The following MCC variants were observed in gnomAD, a reference collection of about 807,000 sequenced individuals.
MCC encodes MCC regulator of Wnt signaling pathway.
Under a neutral mutation model 116.2 loss-of-function variants are expected in MCC, and 90 were observed. That is an observed-to-expected ratio of 0.77 (90% confidence interval 0.65 to 0.92). The LOEUF (loss-of-function observed/expected upper bound fraction) is 0.92, where lower values mean the gene tolerates loss of function less well. Ranked by LOEUF, MCC falls within the 40% of genes least tolerant of loss-of-function variation. MCC has a pLI of 0.00. For missense variants in MCC, 1,516 were observed against 1,312.2 expected (o/e 1.16, Z -2.40); for synonymous variants, 578 against 510.5 (o/e 1.13, Z -1.78).
At chr5:113,129,329 A>C (rs1758289408) in intron 5 of MCC, among the ~76,000 whole-genome samples, 1 of 152,224 alleles carries the variant, frequency 6.6e-6, no homozygotes, top group Non-Finnish European at 1.5e-5. Flanking sequence ...AATGCCATAG[A>C]AAGAGACCAA....
chr5:113,463,237 G>A (rs918335733), intron 1 of MCC, among the ~76,000 whole-genome samples: 1 of 152,122 alleles, frequency 6.6e-6, no homozygotes, highest in Non-Finnish European at 1.5e-5. Context: ...GCCCTGCATG[G>A]TTAAGAATTA....
chr5:113,454,275 T>A (rs1189274699), intron 1 of MCC, among the ~76,000 whole-genome samples: 2 of 152,154 alleles, frequency 1.3e-5, no homozygotes, highest in African/African-American at 4.8e-5. Context: ...TGGCTAATTT[T>A]TATATTTTTT....
chr5:113,105,516 G>C (rs772220530), intron 6 of MCC, among the ~76,000 whole-genome samples: 1 of 152,072 alleles, frequency 6.6e-6, no homozygotes, highest in Non-Finnish European at 1.5e-5. Flanking sequence ...TCTCAAACCT[G>C]TTCCTCCCCG....
At chr5:113,104,786 GA>G (rs1450919842) in intron 6 of MCC, among the ~76,000 whole-genome samples, 1 of 152,202 alleles carries the variant, frequency 6.6e-6, no homozygotes, top group Non-Finnish European at 1.5e-5. Context: ...TTGAAAAACA[GA>G]AACTGTGTAA....
At chr5:113,065,009 A>G (rs997362777) in intron 13 of MCC, among the ~76,000 whole-genome samples, 15 of 152,180 alleles carry the variant, frequency 9.9e-5, no homozygotes, top group Non-Finnish European at 2.9e-5. Context: ...AACAAGAACA[A>G]CAGCAACAGC....
At position 113,079,212 on chromosome 5, in the gene MCC, G is replaced by A. The variant is rs542125173; in HGVS notation, c.1784+3648C>T. Among the ~76,000 whole-genome samples, 60 of 152,298 alleles carry A rather than the reference G, an allele frequency of 3.9e-4. 3 individuals are homozygous for A. The highest frequency in any genetic ancestry group is 1.3e-3 in the African/African-American group (55 of 41,546). On this transcript the variant is annotated intron_variant, in intron 11 of 18. Transcript: ENST00000408903. ...CTCATGGATAGGAAGAATCAATATT[G>A]TGAAAATGGCCATACTGCCCAAGGC...
intron 3 of MCC, among the ~76,000 whole-genome samples, chr5:113,180,071 A>G (rs1304051989): frequency 2.6e-5 from 4 of 152,208 alleles, no homozygotes; most frequent in African/African-American, 9.6e-5. Context: ...GAATGAATAC[A>G]GTGGCCCGAC....
chr5:113,413,664 T>C (rs1770057962), intron 1 of MCC, among the ~76,000 whole-genome samples: 1 of 152,180 alleles, frequency 6.6e-6, no homozygotes, highest in Non-Finnish European at 1.5e-5. Context: ...TTCTCTCTTT[T>C]CTTCTTTATT....
chr5:113,370,877 T>C lies in MCC; in HGVS notation c.415+14091A>G, dbSNP rs550926301. Among the ~76,000 whole-genome samples, 15 of 152,270 alleles carry C rather than the reference T, an allele frequency of 9.9e-5. No individual in the cohort carries two copies. In the East Asian group the frequency reaches 2.7e-3, roughly 27 times the overall value. ...CCTAAATTCTAAGATTTTATTAATA[T>C]AGCACAAGAAAACGGGAGAAATAAT... On this transcript the variant is annotated intron_variant, in intron 2 of 18. Coordinates refer to ENST00000408903, the MANE Select transcript of MCC (RefSeq NM_001085377.2).
At chr5:113,108,524 G>A (rs1339711200) in intron 6 of MCC, among the ~76,000 whole-genome samples, 2 of 151,276 alleles carry the variant, frequency 1.3e-5, no homozygotes, top group South Asian at 2.1e-4. Context: ...ATAGTGGTGC[G>A]GGCCTGTAAT....
chr5:113,384,828 C>G (rs75462722), intron 2 of MCC, 140 bp downstream of exon 2: 11,415 of 888,030 alleles, frequency 0.013, 145 homozygotes, highest in South Asian at 0.016. Flanking sequence ...GAGCACTCCC[C>G]CAGGGAAAGT....
chr5:113,461,384 G>A (rs778727232), intron 1 of MCC, among the ~76,000 whole-genome samples: 3 of 152,174 alleles, frequency 2.0e-5, no homozygotes, highest in African/African-American at 2.4e-5. Context: ...AGGAAACCAA[G>A]GCATGAAAGT....
At chr5:113,294,180 A>C (rs546984839) in intron 3 of MCC, 1 of 983,896 alleles carries the variant, frequency 1.0e-6, no homozygotes, top group Admixed American at 2.3e-5. Context: ...AACAAGATCC[A>C]GAAAATCTAC....
At chr5:113,342,965 C>A (rs914752033) in intron 2 of MCC, among the ~76,000 whole-genome samples, 5 of 152,276 alleles carry the variant, frequency 3.3e-5, no homozygotes, top group African/African-American at 7.2e-5. Flanking sequence ...CTGCAAAGAT[C>A]TCATTCTGGT....
intron 3 of MCC, among the ~76,000 whole-genome samples, chr5:113,296,275 T>C (rs1766707679): frequency 6.6e-6 from 1 of 152,162 alleles, no homozygotes; most frequent in Non-Finnish European, 1.5e-5. Context: ...ATGAAGAAGA[T>C]TCAAGCACTG....
intron 3 of MCC, among the ~76,000 whole-genome samples, chr5:113,242,886 C>T (rs951295455): frequency 6.6e-6 from 1 of 152,190 alleles, no homozygotes. Context: ...TCAGGCAAGA[C>T]CCGGACAAGC....
chr5:113,365,202 A>C (rs959535125), intron 2 of MCC, among the ~76,000 whole-genome samples: 2 of 152,078 alleles, frequency 1.3e-5, no homozygotes, highest in African/African-American at 2.4e-5. Flanking sequence ...CACACATATG[A>C]GCATAGGCTG....
intron 17 of MCC, among the ~76,000 whole-genome samples, chr5:113,033,942 G>C (rs1751141778): frequency 1.3e-5 from 2 of 152,192 alleles, no homozygotes; most frequent in Non-Finnish European, 1.5e-5. Context: ...CTGGAGTACA[G>C]TGGCACAAAT....
chr5:113,194,516 T>C (rs1030994968), intron 3 of MCC, among the ~76,000 whole-genome samples: 2 of 151,962 alleles, frequency 1.3e-5, no homozygotes, highest in Non-Finnish European at 2.9e-5. Flanking sequence ...AAATAAAAAC[T>C]AACCGAGCAT....
Sources: gnomAD v4.1 joint callset for allele counts (sites outside exome capture counted in the v4.1 genomes callset) on GRCh38, gnomAD v4.1.1 for gene constraint, MANE v1.5 for transcripts, NCBI Gene and HGNC (gene_info 2026-07-23, HGNC 2026-07-21) for gene names.